ATP10A: variants seen among roughly 807,000 people sequenced by gnomAD.
ATP10A encodes ATPase phospholipid transporting 10A (putative).
A neutral mutation model predicts 147.8 loss-of-function variants in ATP10A; 111 were observed. The ratio of observed to expected loss-of-function variants is 0.75; its 90% CI spans 0.64 to 0.88. The LOEUF (loss-of-function observed/expected upper bound fraction) is 0.88, where lower values mean the gene tolerates loss of function less well. Among genes scored for constraint, ATP10A ranks in the 40% least tolerant of loss-of-function variants. The pLI is 0.00. For synonymous variants in ATP10A, 875 were observed against 841.6 expected (o/e 1.04, Z -0.69); for missense variants, 1,927 against 1,959.0 (o/e 0.98, Z 0.31).
At chr15:25,847,009 T>C (rs1376617444) in intron 1 of ATP10A, among the ~76,000 whole-genome samples, 1 of 152,186 alleles carries the variant, frequency 6.6e-6, no homozygotes, top group African/African-American at 2.4e-5. Flanking sequence ...ATGAACCAGC[T>C]ACACTAAAAA....
intron 15 of ATP10A, 44 bp downstream of exon 15, chr15:25,691,671 A>G: frequency 6.3e-7 from 1 of 1,598,592 alleles, no homozygotes; most frequent in Non-Finnish European, 8.6e-7. Flanking sequence ...ACAAGAGGTC[A>G]GTAGGGCCAA....
intron 4 of ATP10A, 51 bp downstream of exon 4, chr15:25,727,109 G>C: frequency 7.4e-7 from 1 of 1,347,246 alleles, no homozygotes; most frequent in Non-Finnish European, 1.1e-6. Flanking sequence ...GGGAAGTGCT[G>C]GAGAACACAG....
chr15:25,732,540 T>C (rs1886999214), intron 3 of ATP10A, among the ~76,000 whole-genome samples: 1 of 145,756 alleles, frequency 6.9e-6, no homozygotes, highest in Admixed American at 7.0e-5. Context: ...ACTGTGAGCA[T>C]TTCACATGCG....
intron 1 of ATP10A, among the ~76,000 whole-genome samples, chr15:25,861,032 G>C (rs1893736313): frequency 1.3e-5 from 2 of 152,114 alleles, no homozygotes. Context: ...TTGTGTAAGG[G>C]GTGCCGCTCT....
Position 25,798,728 on chromosome 15 carries a change from C to T in ATP10A, c.450-17505G>A, listed in dbSNP as rs1003003493. 5.3e-5 allele frequency among the ~76,000 whole-genome samples: 8 copies of T among 152,292 alleles called. 1 individual carries two copies. The Middle Eastern group carries it at 0.014, about 259-fold the overall frequency. ...GGTCTCCACGGCTGAGTGAACTGGG[C>T]AATCCTCAGACACTGAGAGGGAGAA... On this transcript the variant is annotated intron_variant, in intron 1 of 20. Coordinates refer to ENST00000555815, the MANE Select transcript of ATP10A (RefSeq NM_024490.4).
At chr15:25,675,134 T>G (rs1228908268), downstream of ATP10A, among the ~76,000 whole-genome samples, 2 of 152,186 alleles carry the variant, frequency 1.3e-5, no homozygotes, top group African/African-American at 4.8e-5. Context: ...TGGAGGCACA[T>G]CGTGTACTGG....
chr15:25,769,779 G>A lies in ATP10A; in HGVS notation c.654+11240C>T, dbSNP rs116567254. Among the ~76,000 whole-genome samples the A allele has an allele frequency of 2.3e-3, 349 of 152,238 alleles. 1 individual carries two copies. Among genetic ancestry groups the A allele is most frequent in the African/African-American group, 7.9e-3 (328 of 41,558 alleles). On this transcript the variant is annotated intron_variant, in intron 2 of 20. Transcript: ENST00000555815. Reference sequence around the variant, plus strand: ...CTTTCACTCCGAACCTGCACTGTGAGGGGTTGAATTCTACCTTCCCCAGAT... The same window carrying A: ...CTTTCACTCCGAACCTGCACTGTGAAGGGTTGAATTCTACCTTCCCCAGAT...
intron 1 of ATP10A, among the ~76,000 whole-genome samples, chr15:25,824,949 C>T (rs1892055578): frequency 6.6e-6 from 1 of 151,904 alleles, no homozygotes; most frequent in African/African-American, 2.4e-5. Flanking sequence ...TCGCTTAAGC[C>T]CAGGAGTCTG....
At chr15:25,756,867 C>T (rs898799476) in intron 2 of ATP10A, among the ~76,000 whole-genome samples, 8 of 152,168 alleles carry the variant, frequency 5.3e-5, no homozygotes, top group Admixed American at 1.3e-4. Context: ...TAGGTGCTGA[C>T]TAACATTTGC....
intron 13 of ATP10A, among the ~76,000 whole-genome samples, chr15:25,697,177 G>T (rs1900385593): frequency 6.6e-6 from 1 of 152,202 alleles, no homozygotes; most frequent in Non-Finnish European, 1.5e-5. Context: ...GGCAAACTCT[G>T]CAACAGACTG....
At chr15:25,798,773 C>T (rs1314962443) in intron 1 of ATP10A, among the ~76,000 whole-genome samples, 1 of 152,168 alleles carries the variant, frequency 6.6e-6, no homozygotes, top group East Asian at 1.9e-4. Flanking sequence ...GACCGTGGGG[C>T]AAAACCGATT....
Position 25,681,076 on chromosome 15 carries a change from T to C in ATP10A, c.3493-2A>G. Reference sequence around the variant, plus strand: ...CCAGAACGTTCGTGGCCGGTATTCCTGGGACACAAAAACAATCAGTGATGT... The same window carrying C: ...CCAGAACGTTCGTGGCCGGTATTCCCGGGACACAAAAACAATCAGTGATGT... On this transcript the variant is annotated splice_acceptor_variant, in intron 17 of 20. Coordinates refer to ENST00000555815, the MANE Select transcript of ATP10A (RefSeq NM_024490.4). LOFTEE classifies it high-confidence loss of function. 1 of 1,612,770 alleles carries C rather than the reference T, an allele frequency of 6.2e-7. No homozygotes were observed. Among genetic ancestry groups the C allele is most frequent in the South Asian group, 1.1e-5 (1 of 90,936 alleles).
chr15:25,681,067 C>T lies in ATP10A; in HGVS notation c.3500G>A (p.Arg1167Gln), dbSNP rs758287131. The change falls in exon 18 of 21, where the codon CGG (arginine) becomes CAG (glutamine). Residue 1167 changes from arginine (R) to glutamine (Q), a missense_variant. By Grantham distance (43) the Arg-to-Gln change is conservative (BLOSUM62 1). Transcript: ENST00000555815. ...CATGTTAAACCAGAACGTTCGTGGCCGGTATTCCTGGGACACAAAAACAAT... is the reference window on the plus strand; with the variant it reads ...CATGTTAAACCAGAACGTTCGTGGCTGGTATTCCTGGGACACAAAAACAAT... Reference protein sequence around the residue: ...YKSGQNMEEYRPRTFWFNMAD... With the variant: ...YKSGQNMEEYQPRTFWFNMAD... 2.6e-5 allele frequency: 42 copies of T among 1,613,414 alleles called. 1 individual carries two copies. The highest frequency in any genetic ancestry group is 2.5e-4 in the African/African-American group (19 of 74,848).
chr15:25,739,893 C>T (rs913158303), intron 2 of ATP10A, among the ~76,000 whole-genome samples: 2 of 152,188 alleles, frequency 1.3e-5, no homozygotes, highest in African/African-American at 4.8e-5. Flanking sequence ...TCCAGCCCTG[C>T]CCCTGAACTT....
chr15:25,863,175 C>A lies in ATP10A; in HGVS notation c.-79G>T. 1 of 1,009,728 alleles carries A rather than the reference C, an allele frequency of 9.9e-7. No individual in the cohort carries two copies. Among genetic ancestry groups the A allele is most frequent in the Non-Finnish European group, 1.2e-6 (1 of 828,948 alleles). The allele number at this position is 1,009,728 out of a possible 1,614,324, so 62.5% of individuals were successfully genotyped here. On this transcript the variant is annotated 5_prime_UTR_variant, in exon 1 of 21. Coordinates refer to ENST00000555815, the MANE Select transcript of ATP10A (RefSeq NM_024490.4). ...CCTCTTAGGTTATCATCACTCGCGG[C>A]CCGGGCGCGGCGGTGCGAGCTCCCC...
chr15:25,698,657 A>G (rs1308215021), intron 13 of ATP10A, among the ~76,000 whole-genome samples: 3 of 152,204 alleles, frequency 2.0e-5, no homozygotes, highest in African/African-American at 4.8e-5. Flanking sequence ...TGTACTATAA[A>G]CTGATGGAAA....
At chr15:25,734,762 A>T (rs1178080016) in intron 3 of ATP10A, among the ~76,000 whole-genome samples, 1 of 152,154 alleles carries the variant, frequency 6.6e-6, no homozygotes, top group African/African-American at 2.4e-5. Flanking sequence ...TAATAAGGGC[A>T]ATTCCAGTGG....
At position 25,686,806 on chromosome 15, in the gene ATP10A, T is replaced by A. The variant is rs1194376073; in HGVS notation, c.3291+897A>T. Among the ~76,000 whole-genome samples, 3 of 107,682 alleles carry A rather than the reference T, an allele frequency of 2.8e-5. 1 individual carries two copies. Among genetic ancestry groups the A allele is most frequent in the Admixed American group, 9.0e-5 (1 of 11,172 alleles). The allele number at this position is 107,682 out of a possible 152,430, so 70.6% of individuals were successfully genotyped here. ...GGGGCAGAACTCTGAGACGGCCATGTGGTCCATCCTGCAGGGCTATGGAGG... is the reference window on the plus strand; with the variant it reads ...GGGGCAGAACTCTGAGACGGCCATGAGGTCCATCCTGCAGGGCTATGGAGG... On this transcript the variant is annotated intron_variant, in intron 16 of 20. Transcript: ENST00000555815.
intron 1 of ATP10A, among the ~76,000 whole-genome samples, chr15:25,813,225 C>A (rs1891505480): frequency 1.3e-5 from 2 of 152,156 alleles, no homozygotes; most frequent in African/African-American, 4.8e-5. Context: ...CACCAAGATC[C>A]AGGAATAGTC....
Sources: gnomAD v4.1 joint callset for allele counts (sites outside exome capture counted in the v4.1 genomes callset) on GRCh38, gnomAD v4.1.1 for gene constraint, MANE v1.5 for transcripts, NCBI Gene and HGNC (gene_info 2026-07-23, HGNC 2026-07-21) for gene names.